Variants in B4GALNT3 observed in about 807,000 individuals in gnomAD.
B4GALNT3 encodes beta-1,4-N-acetyl-galactosaminyltransferase 3, also known as beta-1,4-N-acetylgalactosaminyltransferase 3.
B4GALNT3 carries 86 observed loss-of-function variants against 120.2 expected under a neutral mutation model. The observed-to-expected ratio is 0.72, with a 90% CI of 0.60 to 0.86. The LOEUF is 0.86. B4GALNT3 is among the 40% of genes least tolerant of loss of function. B4GALNT3 has a pLI of 0.00. For missense variants in B4GALNT3, 1,167 were observed against 1,298.9 expected (o/e 0.90, Z 1.56); for synonymous variants, 518 against 510.4 (o/e 1.01, Z -0.20).
rs748922508 is a variant in B4GALNT3, at chr12:556,828, C to G, written c.2342C>G (p.Ser781Cys). The G allele has an allele frequency of 2.5e-6, 4 of 1,610,128 alleles. No homozygotes were observed. The highest frequency in any genetic ancestry group is 3.4e-6 in the Non-Finnish European group (4 of 1,176,974). Reference sequence around the variant, plus strand: ...AAGCTGTGCTGGCCTCAGGGTTTCTCCTGGAGTCACCGAGCCGTGGTCCAC... The same window carrying G: ...AAGCTGTGCTGGCCTCAGGGTTTCTGCTGGAGTCACCGAGCCGTGGTCCAC... ...EPKLCWPQGF[S>C]WSHRAVVHFV... The change falls in exon 15 of 20, where the codon TCC becomes TGC. Residue 781 changes from serine (S) to cysteine (C), a missense_variant. Around this residue, in one of 3 missense-constraint regions of B4GALNT3, gnomAD observed 983 missense variants for 1,102.5 expected, o/e 0.89. Transcript: ENST00000266383.
intron 1 of B4GALNT3, among the ~76,000 whole-genome samples, chr12:500,920 T>A (rs929238978): frequency 1.6e-5 from 2 of 125,562 alleles, no homozygotes; most frequent in Non-Finnish European, 3.2e-5. Flanking sequence ...CAGGCTGGAG[T>A]GCAGTGGCAA....
chr12:487,946 G>A lies in B4GALNT3; in HGVS notation c.169+27401G>A, dbSNP rs937086061. Among the ~76,000 whole-genome samples the A allele has an allele frequency of 5.7e-4, 87 of 152,066 alleles. 1 individual carries two copies. Among genetic ancestry groups the A allele is most frequent in the Non-Finnish European group, 7.4e-5 (5 of 68,014 alleles). On this transcript the variant is annotated intron_variant, in intron 1 of 19. Transcript: ENST00000266383. ...AGCTTGGGCAACAGAGCAAGGCCCT[G>A]TCTCCAAAACAAACAAAAAACCCAA...
At chr12:526,441 A>G (rs964162460) in intron 1 of B4GALNT3, among the ~76,000 whole-genome samples, 1 of 152,210 alleles carries the variant, frequency 6.6e-6, no homozygotes, top group Non-Finnish European at 1.5e-5. Context: ...TAGCGGGTTC[A>G]GAAAAGTCAG....
At chr12:543,026 G>GCTC (rs1946937127) in intron 3 of B4GALNT3, 1 of 1,044,600 alleles carries the variant, frequency 9.6e-7, no homozygotes, top group Non-Finnish European at 1.3e-6. Flanking sequence ...ACCCCAGCCG[G>GCTC]CTCCTCCTAG....
intron 1 of B4GALNT3, among the ~76,000 whole-genome samples, chr12:499,365 TAGCCCGTGG>T (rs1946418243): frequency 6.6e-6 from 1 of 151,666 alleles, no homozygotes; most frequent in South Asian, 2.1e-4. Context: ...AGAACAGTCC[TAGCCCGTGG>T]AGCCCGTGCT....
chr12:553,694 G>A lies in B4GALNT3; in HGVS notation c.1771G>A (p.Glu591Lys), dbSNP rs774952065. 3 of 1,613,872 alleles carry A rather than the reference G, an allele frequency of 1.9e-6. No homozygotes were observed. In the African/African-American group the frequency reaches 4.0e-5, roughly 21 times the overall value. The change falls in exon 14 of 20, where the codon GAG (glutamate) becomes AAG (lysine). Residue 591 changes from glutamate to lysine, a missense_variant. Around this residue, in one of 3 missense-constraint regions of B4GALNT3, gnomAD observed 983 missense variants for 1,102.5 expected, o/e 0.89. Transcript: ENST00000266383. ...QAPGRGWHGE[E>K]EVVAAAGQEG... is the part of the protein sequence containing the mutation. Reference sequence around the variant, plus strand: ...CCCTGGAAGGGGCTGGCATGGGGAGGAGGAAGTGGTGGCGGCCGCAGGCCA... The same window carrying A: ...CCCTGGAAGGGGCTGGCATGGGGAGAAGGAAGTGGTGGCGGCCGCAGGCCA...
At chr12:480,503 A>ACC (rs142297546) in intron 1 of B4GALNT3, among the ~76,000 whole-genome samples, 2 of 150,182 alleles carry the variant, frequency 1.3e-5, no homozygotes, top group Admixed American at 6.6e-5. Flanking sequence ...GGTCCCCCTG[A>ACC]CTGACATTAT....
chr12:521,491 T>C (rs972971818), intron 1 of B4GALNT3, among the ~76,000 whole-genome samples: 3 of 152,132 alleles, frequency 2.0e-5, no homozygotes, highest in African/African-American at 7.2e-5. Flanking sequence ...TTTCCCAGAA[T>C]TACTCTTGGC....
At chr12:476,571 A>G (rs1483494214) in intron 1 of B4GALNT3, among the ~76,000 whole-genome samples, 1 of 152,184 alleles carries the variant, frequency 6.6e-6, no homozygotes, top group East Asian at 1.9e-4. Flanking sequence ...TGATCACGCC[A>G]CTGCACCCCA....
intron 19 of B4GALNT3, among the ~76,000 whole-genome samples, chr12:560,878 G>A (rs542542341): frequency 6.6e-6 from 1 of 152,312 alleles, no homozygotes; most frequent in Admixed American, 6.5e-5. Context: ...GCCTGGGGAG[G>A]GCCTAGGCGC....
At chr12:465,394 G>A (rs968216997) in intron 1 of B4GALNT3, among the ~76,000 whole-genome samples, 1 of 152,114 alleles carries the variant, frequency 6.6e-6, no homozygotes, top group Non-Finnish European at 1.5e-5. Context: ...GGCAGATACT[G>A]TGTTTATCAG....
chr12:559,516 C>A, intron 19 of B4GALNT3, 95 bp downstream of exon 19: 1 of 1,542,492 alleles, frequency 6.5e-7, no homozygotes, highest in African/African-American at 1.4e-5. Flanking sequence ...TCCCCCTCGG[C>A]CGCAGAGTCC....
At position 544,365 on chromosome 12, in the gene B4GALNT3, G is replaced by T. The variant is rs757585018; in HGVS notation, c.378G>T (p.Val126=). The T allele has an allele frequency of 3.1e-6, 5 of 1,613,706 alleles. No individual in the cohort carries two copies. The East Asian group carries it at 8.9e-5, about 29-fold the overall frequency. Residue 126 remains valine, a synonymous_variant, in exon 4 of 20, where the codon GTG becomes GTT. Transcript: ENST00000266383. ...TCCGGGGCCGTGCCAACCTGCATGT[G>T]TTTGAAGACTGGTGTGGCAGCTCTA... The part of the protein sequence containing the change: ...SEFRGRANLH[V]FEDWCGSSIQ...
chr12:525,525 C>T (rs1946752647), intron 1 of B4GALNT3, among the ~76,000 whole-genome samples: 1 of 152,158 alleles, frequency 6.6e-6, no homozygotes, highest in Non-Finnish European at 1.5e-5. Context: ...TTCTTCTCTC[C>T]CACTCTTTTT....
intron 1 of B4GALNT3, among the ~76,000 whole-genome samples, chr12:495,362 G>A (rs534405434): frequency 3.9e-5 from 6 of 152,032 alleles, no homozygotes; most frequent in Non-Finnish European, 5.9e-5. Flanking sequence ...TTCTTGGGTC[G>A]TTCTTTTTCC....
At chr12:555,941 A>G (rs112035923) in intron 14 of B4GALNT3, among the ~76,000 whole-genome samples, 7,882 of 150,842 alleles carry the variant, frequency 0.052, 668 homozygotes, top group African/African-American at 0.17. Flanking sequence ...CCACCACCAC[A>G]CCTGGCTAAT....
chr12:487,349 A>G (rs1295143598), intron 1 of B4GALNT3, among the ~76,000 whole-genome samples: 2 of 152,234 alleles, frequency 1.3e-5, no homozygotes, highest in East Asian at 1.9e-4. Flanking sequence ...CAAGCAGGAT[A>G]AACACCAAAA....
chr12:462,757 C>CTG (rs1946034055), intron 1 of B4GALNT3, among the ~76,000 whole-genome samples: 1 of 152,112 alleles, frequency 6.6e-6, no homozygotes, highest in African/African-American at 2.4e-5. Flanking sequence ...CTCGATTTCC[C>CTG]TGTGGAATAA....
chr12:488,895 A>G (rs1195532210), intron 1 of B4GALNT3, among the ~76,000 whole-genome samples: 2 of 102,174 alleles, frequency 2.0e-5, no homozygotes, highest in Non-Finnish European at 5.0e-5. Context: ...CTCCACTGGA[A>G]AAAAAAAAAA....
Sources: gnomAD v4.1 joint callset for allele counts (sites outside exome capture counted in the v4.1 genomes callset) on GRCh38, gnomAD v4.1.1 for gene constraint, gnomAD v4.1.1 regional missense constraint, MANE v1.5 for transcripts, NCBI Gene and HGNC (gene_info 2026-07-23, HGNC 2026-07-21) for gene names.